ZNG1B: variants seen among roughly 807,000 people sequenced by gnomAD.
ZNG1B encodes zinc-regulated GTPase metalloprotein activator 1B.
chr2:113,473,395 A>G, the ZNG1B span, among the ~76,000 whole-genome samples: 4 of 147,586 alleles, frequency 2.7e-5, no homozygotes, highest in Admixed American at 6.8e-5. Flanking sequence ...GGCTGAGATG[A>G]TGGGGTTTTC....
the ZNG1B span, among the ~76,000 whole-genome samples, chr2:113,442,582 A>G: frequency 2.6e-5 from 4 of 152,296 alleles, no homozygotes; most frequent in East Asian, 1.9e-4. Context: ...TAAATAACCT[A>G]TTGCACACTG....
chr2:113,477,741 C>T, the ZNG1B span, among the ~76,000 whole-genome samples: 2 of 152,342 alleles, frequency 1.3e-5, no homozygotes, highest in South Asian at 4.1e-4. Flanking sequence ...TAACTATAGG[C>T]ATGAGGATGT....
chr2:113,494,461 T>C, the ZNG1B span: 1 of 724,498 alleles, frequency 1.4e-6, no homozygotes, highest in South Asian at 5.0e-5. Flanking sequence ...GCAGTGATTC[T>C]AAAGTGTATG....
At chr2:113,476,676 TGATGTACA>T in the ZNG1B span, among the ~76,000 whole-genome samples, 66 of 150,958 alleles carry the variant, frequency 4.4e-4, no homozygotes, top group Admixed American at 8.6e-4. Flanking sequence ...TTGATGATGG[TGATGTACA>T]GATCGGTTTT....
chr2:113,456,825 C>T, the ZNG1B span, among the ~76,000 whole-genome samples: 2 of 152,072 alleles, frequency 1.3e-5, no homozygotes, highest in Non-Finnish European at 2.9e-5. Flanking sequence ...CAAAGCTTGA[C>T]CTCAGTAGCT....
chr2:113,484,419 GTT>G, the ZNG1B span, among the ~76,000 whole-genome samples: 1 of 149,034 alleles, frequency 6.7e-6, no homozygotes, highest in African/African-American at 2.5e-5. Context: ...TCTTTCCTAG[GTT>G]TTATGACCTG....
chr2:113,440,591 C>G, the ZNG1B span, among the ~76,000 whole-genome samples: 1 of 152,058 alleles, frequency 6.6e-6, no homozygotes, highest in East Asian at 1.9e-4. Flanking sequence ...TATTAATACC[C>G]TAATACTCTG....
chr2:113,474,575 G>T, the ZNG1B span, among the ~76,000 whole-genome samples: 1 of 145,606 alleles, frequency 6.9e-6, no homozygotes, highest in South Asian at 2.2e-4. Context: ...TTTTAATTGT[G>T]ATGTTAGGTT....
chr2:113,466,696 T>C, the ZNG1B span: 1 of 985,270 alleles, frequency 1.0e-6, no homozygotes, highest in African/African-American at 1.7e-5. Context: ...ATTCTTACTA[T>C]TGGGTCCTGA....
At chr2:113,448,055 A>G in the ZNG1B span, among the ~76,000 whole-genome samples, 1 of 152,240 alleles carries the variant, frequency 6.6e-6, no homozygotes, top group Non-Finnish European at 1.5e-5. Context: ...AATCCTTTCC[A>G]GAAGGTTTTC....
chr2:113,490,598 A>C, the ZNG1B span, among the ~76,000 whole-genome samples: 1 of 152,246 alleles, frequency 6.6e-6, no homozygotes, highest in Non-Finnish European at 1.5e-5. Flanking sequence ...AAGATCAGCC[A>C]AGAAAAGAGA....
the ZNG1B span, among the ~76,000 whole-genome samples, chr2:113,456,650 T>C: frequency 1.3e-5 from 2 of 151,792 alleles, no homozygotes; most frequent in African/African-American, 4.8e-5. Flanking sequence ...ACGTTTAACC[T>C]CCTGCTACCT....
the ZNG1B span, among the ~76,000 whole-genome samples, chr2:113,441,987 C>T: frequency 1.3e-5 from 2 of 152,164 alleles, no homozygotes; most frequent in African/African-American, 4.8e-5. Context: ...ATCCACCTGC[C>T]TCGGCCTCCC....
the ZNG1B span, among the ~76,000 whole-genome samples, chr2:113,449,497 ATTC>A: frequency 5.4e-5 from 8 of 147,330 alleles, no homozygotes; most frequent in Admixed American, 5.5e-4. Context: ...TGTTGATCAT[ATTC>A]TTTATGTTGT....
the ZNG1B span, among the ~76,000 whole-genome samples, chr2:113,472,089 C>T: frequency 6.9e-6 from 1 of 145,714 alleles, no homozygotes; most frequent in Non-Finnish European, 1.5e-5. Context: ...AACTAGTTTA[C>T]AGTTCCGCCA....
the ZNG1B span, chr2:113,468,619 T>C: frequency 6.7e-6 from 1 of 148,946 alleles, no homozygotes; most frequent in South Asian, 2.1e-4. Context: ...TTTTTTCTTT[T>C]TTTTTTTTCT....
chr2:113,445,987 T>G, the ZNG1B span, among the ~76,000 whole-genome samples: 1 of 152,094 alleles, frequency 6.6e-6, no homozygotes, highest in African/African-American at 2.4e-5. Context: ...TCCCCATGTT[T>G]TCAAAGTAGT....
chr2:113,470,837 A>AC, the ZNG1B span: 1 of 752,908 alleles, frequency 1.3e-6, no homozygotes, highest in African/African-American at 1.8e-5. Context: ...TGAAAGTTTT[A>AC]AAAAAACCTA....
chr2:113,460,479 T>C, the ZNG1B span, among the ~76,000 whole-genome samples: 231 of 152,248 alleles, frequency 1.5e-3, 2 homozygotes, highest in Non-Finnish European at 2.7e-3. Flanking sequence ...GGTTCACTTG[T>C]AGAAAAAAAT....
Sources: allele counts gnomAD v4.1 joint callset (sites outside exome capture counted in the v4.1 genomes callset), GRCh38; gene constraint gnomAD v4.1.1; transcripts MANE v1.5; gene names NCBI Gene and HGNC (gene_info 2026-07-23, HGNC 2026-07-21).